The following EFL1 variants were observed in gnomAD, a reference collection of about 807,000 sequenced individuals.
EFL1 encodes elongation factor-like GTPase 1.
A neutral mutation model predicts 126.7 loss-of-function variants in EFL1; 76 were observed. That is an observed-to-expected ratio of 0.60 (90% CI 0.50 to 0.73). The LOEUF is 0.73. Ranked by LOEUF, EFL1 falls within the 30% of genes least tolerant of loss-of-function variation. The pLI, the probability that EFL1 is intolerant of heterozygous loss-of-function variation, is 0.00. For missense variants in EFL1, 1,128 were observed against 1,343.2 expected (o/e 0.84, Z 2.50); for synonymous variants, 410 against 448.4 (o/e 0.91, Z 1.08).
chr15:82,142,069 GC>G (rs2073794986), intron 18 of EFL1, among the ~76,000 whole-genome samples: 1 of 152,266 alleles, frequency 6.6e-6, no homozygotes, highest in African/African-American at 2.4e-5. Flanking sequence ...CCCTAAATGT[GC>G]CATTGTCATC....
At chr15:82,260,612 T>G (rs572587789) in intron 2 of EFL1, among the ~76,000 whole-genome samples, 2 of 152,362 alleles carry the variant, frequency 1.3e-5, no homozygotes, top group Admixed American at 1.3e-4. Flanking sequence ...CCTCTCATTA[T>G]TATCACATTT....
In EFL1 at chr15:82,224,090, G is replaced by A. The variant is rs150041633; in HGVS notation, c.1292+1075C>T. 6.9e-3 allele frequency among the ~76,000 whole-genome samples: 1,050 copies of A among 152,274 alleles called. 10 individuals carry two copies. The highest frequency in any genetic ancestry group is 8.2e-3 in the Non-Finnish European group (556 of 68,020). The stretch of plus-strand genomic sequence containing the variant: ...AGATAGGACATTTGTTCAGACACTA[G>A]TATATTAGAGAAACAGAAATAAAAA... On this transcript the variant is annotated intron_variant, in intron 12 of 19. Transcript: ENST00000268206.
intron 4 of EFL1, among the ~76,000 whole-genome samples, chr15:82,251,644 A>T (rs1331601384): frequency 2.4e-5 from 2 of 83,056 alleles, no homozygotes; most frequent in Non-Finnish European, 6.1e-5. Context: ...GAAGTGGTTT[A>T]AAAAAAAATG....
At chr15:82,186,422 C>T (rs560455671) in intron 15 of EFL1, among the ~76,000 whole-genome samples, 40 of 152,304 alleles carry the variant, frequency 2.6e-4, no homozygotes, top group African/African-American at 7.7e-4. Flanking sequence ...CATCTCTTAA[C>T]CATAGAAAAC....
intron 15 of EFL1, among the ~76,000 whole-genome samples, chr15:82,200,703 G>C (rs1263213935): frequency 6.6e-6 from 1 of 152,150 alleles, no homozygotes; most frequent in Non-Finnish European, 1.5e-5. Context: ...CATCATCTTG[G>C]CTCTGGGAGT....
intron 15 of EFL1, among the ~76,000 whole-genome samples, chr15:82,168,098 T>A (rs2074097697): frequency 6.6e-6 from 1 of 152,158 alleles, no homozygotes; most frequent in Non-Finnish European, 1.5e-5. Flanking sequence ...AGAGAACCCT[T>A]AGTTTTGAAA....
At chr15:82,157,566 A>G (rs1595948507) in intron 17 of EFL1, 147 bp downstream of exon 17, 1 of 950,380 alleles carries the variant, frequency 1.1e-6, no homozygotes, top group Non-Finnish European at 1.5e-6. Flanking sequence ...TAAGTCTACA[A>G]TCGAATAACT....
chr15:82,231,928 C>T (rs1418041253), intron 7 of EFL1, among the ~76,000 whole-genome samples: 1 of 152,180 alleles, frequency 6.6e-6, no homozygotes, highest in Non-Finnish European at 1.5e-5. Context: ...AAGATTCAGG[C>T]CTCCTCCTGG....
chr15:82,151,402 G>A, intron 18 of EFL1, 63 bp downstream of exon 18: 1 of 1,458,182 alleles, frequency 6.9e-7, no homozygotes, highest in Non-Finnish European at 9.2e-7. Flanking sequence ...ACAAGATTTT[G>A]AGTCTAGGAG....
chr15:82,200,990 T>C (rs942190100), intron 15 of EFL1, among the ~76,000 whole-genome samples: 13 of 152,210 alleles, frequency 8.5e-5, no homozygotes, highest in Non-Finnish European at 1.8e-4. Context: ...TCAAGCAATC[T>C]TCCACCTGGG....
intron 15 of EFL1, 106 bp from the exon 16 acceptor site, chr15:82,164,090 C>A: frequency 7.2e-7 from 1 of 1,395,492 alleles, no homozygotes; most frequent in Admixed American, 2.4e-5. Flanking sequence ...GAGCCAAATG[C>A]TTCCAAAATG....
rs1190027841 is a variant in EFL1 at position 82,214,870 on chromosome 15, A to C, written c.1612-15T>G. 1 of 1,592,812 alleles carries C rather than the reference A, an allele frequency of 6.3e-7. No homozygotes were observed. The highest frequency in any genetic ancestry group is 8.5e-7 in the Non-Finnish European group (1 of 1,172,952). On this transcript the variant is annotated splice_polypyrimidine_tract_variant and intron_variant, in intron 14 of 19. Coordinates refer to ENST00000268206, the MANE Select transcript of EFL1 (RefSeq NM_024580.6). ...CCTAATGGTACCTGGGCAAAGAAAA[A>C]TGATGGAAGACAAGTTAGGAGGCAT...
At chr15:82,208,901 A>T (rs1320658319) in intron 15 of EFL1, among the ~76,000 whole-genome samples, 2 of 152,166 alleles carry the variant, frequency 1.3e-5, no homozygotes, top group Non-Finnish European at 2.9e-5. Flanking sequence ...TCTGGAAGGA[A>T]CTAGACAAAA....
intron 3 of EFL1, among the ~76,000 whole-genome samples, chr15:82,256,417 C>G (rs530805444): frequency 6.6e-6 from 1 of 152,292 alleles, no homozygotes; most frequent in Admixed American, 6.5e-5. Flanking sequence ...AGCAATTTAT[C>G]TACATTTTTG....
At chr15:82,225,951 A>C (rs138846282) in intron 11 of EFL1, among the ~76,000 whole-genome samples, 388 of 152,336 alleles carry the variant, frequency 2.5e-3, no homozygotes, top group African/African-American at 8.8e-3. Context: ...AGAATTCAAC[A>C]GTAAAATACA....
intron 4 of EFL1, among the ~76,000 whole-genome samples, chr15:82,251,841 AC>A (rs1367162300): frequency 6.6e-6 from 1 of 152,216 alleles, no homozygotes; most frequent in Non-Finnish European, 1.5e-5. Flanking sequence ...TCTTCTAATT[AC>A]AAAAATATAC....
chr15:82,151,402 G>T, intron 18 of EFL1, 63 bp downstream of exon 18: 1 of 1,458,182 alleles, frequency 6.9e-7, no homozygotes, highest in South Asian at 1.3e-5. Context: ...ACAAGATTTT[G>T]AGTCTAGGAG....
chr15:82,224,437 C>CA (rs1389165473), intron 12 of EFL1, among the ~76,000 whole-genome samples: 9 of 152,086 alleles, frequency 5.9e-5, no homozygotes, highest in African/African-American at 1.9e-4. Flanking sequence ...AAATCATCGC[C>CA]AACACTTTAC....
intron 7 of EFL1, among the ~76,000 whole-genome samples, chr15:82,237,477 C>A (rs1413602040): frequency 6.6e-6 from 1 of 152,188 alleles, no homozygotes; most frequent in Non-Finnish European, 1.5e-5. Context: ...ACACACCCAA[C>A]AGAATTGCTA....
Sources: allele counts gnomAD v4.1 joint callset (sites outside exome capture counted in the v4.1 genomes callset), GRCh38; gene constraint gnomAD v4.1.1; transcripts MANE v1.5; gene names NCBI Gene and HGNC (gene_info 2026-07-23, HGNC 2026-07-21).